The following ITGA9 variants were observed in gnomAD, a reference collection of about 807,000 sequenced individuals.
The protein encoded by ITGA9 is integrin alpha-9.
In ITGA9, 56 loss-of-function variants were observed where a neutral mutation model predicts 127.8. That is an observed-to-expected ratio of 0.44 (90% CI 0.35 to 0.55). ITGA9 has a LOEUF of 0.55. Among genes scored for constraint, ITGA9 ranks in the 20% least tolerant of loss-of-function variants. The pLI, the probability that ITGA9 is intolerant of heterozygous loss-of-function variation, is 0.00. For synonymous variants in ITGA9, 508 were observed against 514.5 expected (o/e 0.99, Z 0.17); for missense variants, 1,196 against 1,347.1 (o/e 0.89, Z 1.76).
intron 14 of ITGA9, among the ~76,000 whole-genome samples, chr3:37,540,441 C>T (rs568925783): frequency 3.3e-5 from 5 of 152,212 alleles, no homozygotes; most frequent in Non-Finnish European, 7.3e-5. Flanking sequence ...AGTAAATTGG[C>T]TAGAGTTCAG....
At chr3:37,664,777 G>T (rs559244992) in intron 17 of ITGA9, among the ~76,000 whole-genome samples, 1 of 151,876 alleles carries the variant, frequency 6.6e-6, no homozygotes, top group Admixed American at 6.6e-5. Context: ...GTGAGCTTAC[G>T]GCTGGCATGC....
At chr3:37,542,018 A>T (rs181532081) in intron 14 of ITGA9, among the ~76,000 whole-genome samples, 7 of 152,318 alleles carry the variant, frequency 4.6e-5, no homozygotes, top group Admixed American at 3.9e-4. Context: ...TCAGTATTAC[A>T]CAAAGCCTTG....
intron 11 of ITGA9, among the ~76,000 whole-genome samples, chr3:37,522,738 AGAG>A (rs1699056847): frequency 1.4e-5 from 2 of 147,660 alleles, no homozygotes; most frequent in South Asian, 4.3e-4. Flanking sequence ...AAAAAAAAAA[AGAG>A]AAAGTTTTTT....
intron 5 of ITGA9, among the ~76,000 whole-genome samples, chr3:37,495,187 A>C (rs991466204): frequency 5.3e-5 from 8 of 152,130 alleles, no homozygotes; most frequent in African/African-American, 1.9e-4. Context: ...ACCTGACCTC[A>C]GGTGATCTGC....
chr3:37,612,724 G>C (rs1055219054), intron 15 of ITGA9, among the ~76,000 whole-genome samples: 2 of 152,220 alleles, frequency 1.3e-5, no homozygotes, highest in African/African-American at 4.8e-5. Flanking sequence ...CCATTTATGT[G>C]ATGTGCAGTA....
intron 3 of ITGA9, among the ~76,000 whole-genome samples, chr3:37,474,961 C>G (rs1178796184): frequency 2.0e-5 from 3 of 152,232 alleles, no homozygotes; most frequent in Non-Finnish European, 4.4e-5. Flanking sequence ...CTTGTCGGGC[C>G]CCTTGGGAGA....
At chr3:37,613,415 A>T (rs1378783306) in intron 15 of ITGA9, among the ~76,000 whole-genome samples, 3 of 152,182 alleles carry the variant, frequency 2.0e-5, no homozygotes, top group African/African-American at 7.2e-5. Flanking sequence ...ATAGTGCCAC[A>T]ATAAACATAC....
chr3:37,640,085 G>A (rs909476033), intron 16 of ITGA9, among the ~76,000 whole-genome samples: 7 of 152,172 alleles, frequency 4.6e-5, no homozygotes, highest in South Asian at 2.1e-4. Flanking sequence ...CTTTCACTGC[G>A]GTAGGCAGAA....
intron 18 of ITGA9, among the ~76,000 whole-genome samples, chr3:37,685,340 C>T (rs1406274158): frequency 1.3e-5 from 2 of 152,210 alleles, no homozygotes; most frequent in African/African-American, 4.8e-5. Context: ...CCTGCTGCTT[C>T]ATAGCTTTTA....
chr3:37,582,817 C>A (rs1208895582), intron 15 of ITGA9, among the ~76,000 whole-genome samples: 3 of 152,214 alleles, frequency 2.0e-5, no homozygotes, highest in Admixed American at 2.0e-4. Context: ...CCACAACCCA[C>A]AAAAGAAGAT....
intron 23 of ITGA9, among the ~76,000 whole-genome samples, chr3:37,752,258 T>A (rs1335908298): frequency 6.6e-6 from 1 of 152,208 alleles, no homozygotes; most frequent in East Asian, 1.9e-4. Context: ...GGACTTTGAA[T>A]GGAGCAGGGC....
intron 19 of ITGA9, among the ~76,000 whole-genome samples, chr3:37,734,483 C>A (rs17036845): frequency 0.26 from 40,061 of 152,072 alleles, 5,521 homozygotes; most frequent in Middle Eastern, 0.36. Context: ...TGGAGTGTTA[C>A]ATTTTGTCAA....
chr3:37,714,520 C>T (rs1421204905), intron 18 of ITGA9, among the ~76,000 whole-genome samples: 1 of 152,158 alleles, frequency 6.6e-6, no homozygotes, highest in Non-Finnish European at 1.5e-5. Context: ...ATGGGCTCAG[C>T]AGGCTGATTC....
intron 18 of ITGA9, among the ~76,000 whole-genome samples, chr3:37,708,808 C>T (rs1701042961): frequency 6.6e-6 from 1 of 152,150 alleles, no homozygotes; most frequent in Admixed American, 6.5e-5. Context: ...ATCCCATTTC[C>T]GTACTCTTCA....
chr3:37,452,912 C>T lies in ITGA9; in HGVS notation c.185+353C>T, dbSNP rs1448055740. Among the ~76,000 whole-genome samples the T allele has an allele frequency of 2.0e-5, 3 of 152,184 alleles. No individual in the cohort carries two copies. The highest frequency in any genetic ancestry group is 1.9e-4 in the East Asian group (1 of 5,176). Reference sequence around the variant, plus strand: ...AAAAGTAACTTGGCTCCTCTGCCTCCGGGCGGCCGCCGCTGGCCCAGCGAG... The same window carrying T: ...AAAAGTAACTTGGCTCCTCTGCCTCTGGGCGGCCGCCGCTGGCCCAGCGAG... On this transcript the variant is annotated intron_variant, in intron 1 of 27. Transcript: ENST00000264741. The surrounding 1 kb of genome is among the most constrained non-coding windows in gnomAD (Gnocchi z 7.3).
intron 18 of ITGA9, among the ~76,000 whole-genome samples, chr3:37,716,359 C>T (rs371798177): frequency 4.8e-4 from 73 of 150,874 alleles, no homozygotes; most frequent in African/African-American, 1.7e-3. Context: ...TGAAGCAGAA[C>T]GAAAAAATGG....
intron 16 of ITGA9, among the ~76,000 whole-genome samples, chr3:37,648,222 C>A (rs1049746252): frequency 1.3e-5 from 2 of 152,124 alleles, no homozygotes; most frequent in African/African-American, 4.8e-5. Flanking sequence ...GCCATCCTAA[C>A]TGTTGTGAGG....
chr3:37,558,745 A>G (rs555343697), intron 15 of ITGA9, among the ~76,000 whole-genome samples: 2 of 152,228 alleles, frequency 1.3e-5, no homozygotes, highest in South Asian at 2.1e-4. Context: ...TCTGAATACC[A>G]TGACTTGGCA....
At chr3:37,748,306 G>T (rs989485100) in intron 22 of ITGA9, 3 of 541,650 alleles carry the variant, frequency 5.5e-6, no homozygotes, top group Non-Finnish European at 1.1e-5. Flanking sequence ...AAGAGTCTAC[G>T]GTGTTACCCA....
Sources: allele counts gnomAD v4.1 joint callset (sites outside exome capture counted in the v4.1 genomes callset), GRCh38; gene constraint gnomAD v4.1.1; non-coding constraint Gnocchi (gnomAD v3.1); transcripts MANE v1.5; gene names NCBI Gene and HGNC (gene_info 2026-07-23, HGNC 2026-07-21).